Variants in DPF3 observed in about 807,000 individuals in gnomAD.
The protein encoded by DPF3 is double PHD fingers 3.
Under a neutral mutation model 56.8 loss-of-function variants are expected in DPF3, and 18 were observed. The observed-to-expected ratio is 0.32, with a 90% CI of 0.22 to 0.47. The LOEUF (loss-of-function observed/expected upper bound fraction) is 0.47, where lower values mean the gene tolerates loss of function less well. Among genes scored for constraint, DPF3 ranks in the 20% least tolerant of loss-of-function variants. DPF3 has a pLI of 1.00. For missense variants in DPF3, 403 were observed against 488.8 expected (o/e 0.82, Z 1.65); for synonymous variants, 188 against 180.2 (o/e 1.04, Z -0.35).
chr14:72,697,192 C>A (rs902636361), intron 6 of DPF3, among the ~76,000 whole-genome samples: 9 of 152,296 alleles, frequency 5.9e-5, no homozygotes, highest in Admixed American at 3.9e-4. Flanking sequence ...TCTTCTATCA[C>A]CAGGTCTTCA....
chr14:72,892,582 C>A, intron 1 of DPF3: 1 of 1,276,516 alleles, frequency 7.8e-7, no homozygotes, highest in South Asian at 2.6e-5. Flanking sequence ...GCGTTAGGAA[C>A]CCCCTACCGT....
chr14:72,718,502 G>C (rs1252889786), intron 5 of DPF3, among the ~76,000 whole-genome samples: 1 of 152,136 alleles, frequency 6.6e-6, no homozygotes, highest in East Asian at 1.9e-4. Context: ...GAGTCTTCCA[G>C]AGGCGACATG....
At chr14:72,845,546 G>A (rs547847167) in intron 1 of DPF3, among the ~76,000 whole-genome samples, 1 of 152,280 alleles carries the variant, frequency 6.6e-6, no homozygotes, top group African/African-American at 2.4e-5. Context: ...AATGTGTGCT[G>A]CCTTCTCCCA....
At chr14:72,661,248 G>C (rs1207629775) in intron 8 of DPF3, 6 of 985,260 alleles carry the variant, frequency 6.1e-6, no homozygotes, top group African/African-American at 1.7e-5. Context: ...GCTACAAAAT[G>C]ATACAGACAC....
At chr14:72,651,925 G>A (rs994987626) in intron 8 of DPF3, among the ~76,000 whole-genome samples, 4 of 152,124 alleles carry the variant, frequency 2.6e-5, no homozygotes, top group East Asian at 1.9e-4. Flanking sequence ...ATAACTCCAC[G>A]TCACTGACCA....
Position 72,667,689 on chromosome 14 carries a change from G to A in DPF3, c.871+6551C>T, listed in dbSNP as rs531429884. The stretch of plus-strand genomic sequence containing the variant: ...GAAGGTAAGTTATCTACAATATTCC[G>A]CAGAGAATCTGAATTAGAACTCTCT... On this transcript the variant is annotated intron_variant, in intron 8 of 10. Coordinates refer to ENST00000556509, the MANE Select transcript of DPF3 (RefSeq NM_001280542.3). 1.1e-4 allele frequency among the ~76,000 whole-genome samples: 16 copies of A among 152,266 alleles called. No individual in the cohort carries two copies. The East Asian group carries it at 1.2e-3, about 11-fold the overall frequency.
Position 72,781,662 on chromosome 14 carries a change from G to A in DPF3, c.33-9769C>T, listed in dbSNP as rs1369546654. 2.0e-5 allele frequency among the ~76,000 whole-genome samples: 3 copies of A among 148,392 alleles called. No homozygotes were observed. The Admixed American group carries it at 2.0e-4, about 10-fold the overall frequency. ...AGTCAAGGAGCTGCCAAGGACAAGA[G>A]ACTGGTGGCAGGATAAAAGCAGTGT... On this transcript the variant is annotated intron_variant, in intron 1 of 10. Transcript: ENST00000556509.
chr14:72,712,317 G>A, intron 6 of DPF3, among the ~76,000 whole-genome samples: 1 of 152,166 alleles, frequency 6.6e-6, no homozygotes, highest in East Asian at 1.9e-4. Flanking sequence ...TGCAGAAAGA[G>A]GGGTGCCCAG....
At chr14:72,892,014 A>T (rs1316475500) in intron 1 of DPF3, 1 of 666,688 alleles carries the variant, frequency 1.5e-6, no homozygotes, top group African/African-American at 2.0e-5. Flanking sequence ...CTCCCTCCCC[A>T]AACACGCACC....
At chr14:72,622,376 G>A (rs1332522035) in intron 9 of DPF3, among the ~76,000 whole-genome samples, 1 of 152,136 alleles carries the variant, frequency 6.6e-6, no homozygotes, top group East Asian at 1.9e-4. Flanking sequence ...CGCCAAAACA[G>A]TTACATCATT....
intron 8 of DPF3, among the ~76,000 whole-genome samples, chr14:72,657,242 C>G (rs1886084010): frequency 6.6e-6 from 1 of 152,158 alleles, no homozygotes; most frequent in African/African-American, 2.4e-5. Context: ...AAGTTGGGCC[C>G]CACTCATTGT....
At chr14:72,775,441 G>A (rs954350092) in intron 1 of DPF3, among the ~76,000 whole-genome samples, 1 of 152,154 alleles carries the variant, frequency 6.6e-6, no homozygotes, top group East Asian at 1.9e-4. Flanking sequence ...GCAAAGTGAG[G>A]TTGGCCAACA....
intron 7 of DPF3, among the ~76,000 whole-genome samples, chr14:72,676,283 C>T: frequency 6.6e-6 from 1 of 152,098 alleles, no homozygotes; most frequent in East Asian, 1.9e-4. Context: ...ATCAGAGAAT[C>T]CCATATATAT....
intron 4 of DPF3, 139 bp from the exon 5 acceptor site, chr14:72,723,867 G>T: frequency 1.2e-6 from 1 of 802,318 alleles, no homozygotes; most frequent in Non-Finnish European, 1.9e-6. Context: ...GGGCAGTTGG[G>T]CCCTCTGAAA....
At chr14:72,677,772 T>C (rs546727670) in intron 7 of DPF3, among the ~76,000 whole-genome samples, 98 of 152,206 alleles carry the variant, frequency 6.4e-4, no homozygotes, top group Non-Finnish European at 1.0e-3. Context: ...CCTGGTCTCA[T>C]GGCCAGCTCC....
chr14:72,845,930 C>T (rs894770704), intron 1 of DPF3, among the ~76,000 whole-genome samples: 1 of 152,172 alleles, frequency 6.6e-6, no homozygotes, highest in East Asian at 1.9e-4. Context: ...CCCGGCAGGG[C>T]GATTTTTACA....
At chr14:72,823,180 A>G (rs541340731) in intron 1 of DPF3, among the ~76,000 whole-genome samples, 1 of 152,322 alleles carries the variant, frequency 6.6e-6, no homozygotes, top group South Asian at 2.1e-4. Context: ...AATGGCAGCT[A>G]GCTGGACGCC....
intron 1 of DPF3, among the ~76,000 whole-genome samples, chr14:72,790,316 G>A (rs1407255316): frequency 6.6e-6 from 1 of 152,166 alleles, no homozygotes; most frequent in Non-Finnish European, 1.5e-5. Flanking sequence ...CTGGGAGAAA[G>A]ACTGGTCTAA....
chr14:72,858,509 A>G (rs1413927018), intron 1 of DPF3, among the ~76,000 whole-genome samples: 1 of 152,116 alleles, frequency 6.6e-6, no homozygotes, highest in African/African-American at 2.4e-5. Context: ...ATTCCATCAG[A>G]TGATTGATGT....
Sources: allele counts gnomAD v4.1 joint callset (sites outside exome capture counted in the v4.1 genomes callset), GRCh38; gene constraint gnomAD v4.1.1; transcripts MANE v1.5; gene names NCBI Gene and HGNC (gene_info 2026-07-23, HGNC 2026-07-21).